The following GRM7 variants were observed in gnomAD, a reference collection of about 807,000 sequenced individuals.
GRM7 encodes glutamate metabotropic receptor 7.
A neutral mutation model predicts 84.5 loss-of-function variants in GRM7; 35 were observed. The ratio of observed to expected loss-of-function variants is 0.41; its 90% CI spans 0.32 to 0.55. The LOEUF is 0.55. Ranked by LOEUF, GRM7 falls within the 20% of genes least tolerant of loss-of-function variation. The pLI, the probability that GRM7 is intolerant of heterozygous loss-of-function variation, is 0.19. For missense variants in GRM7, 1,003 were observed against 1,194.6 expected (o/e 0.84, Z 2.36); for synonymous variants, 487 against 455.1 (o/e 1.07, Z -0.89).
At position 7,213,004 on chromosome 3, in the gene GRM7, C is replaced by T. The variant is rs189072151; in HGVS notation, c.736+66336C>T. ...TGTTTTGGTCTTGTAAAACTTGGTT[C>T]GAAATGCACAACTATTTGGAGGCCC... On this transcript the variant is annotated intron_variant, in intron 2 of 9. Transcript: ENST00000357716. 7.9e-5 allele frequency among the ~76,000 whole-genome samples: 12 copies of T among 152,204 alleles called. No homozygotes were observed. In the East Asian group the frequency reaches 1.9e-3, roughly 24 times the overall value.
At chr3:7,195,561 G>A (rs896013959) in intron 2 of GRM7, among the ~76,000 whole-genome samples, 2 of 152,140 alleles carry the variant, frequency 1.3e-5, no homozygotes, top group East Asian at 3.8e-4. Flanking sequence ...TATGCTGGGA[G>A]CCATGGAATT....
At chr3:6,968,610 T>C (rs1201159068) in intron 1 of GRM7, among the ~76,000 whole-genome samples, 2 of 152,196 alleles carry the variant, frequency 1.3e-5, no homozygotes, top group Non-Finnish European at 2.9e-5. Flanking sequence ...ATCAGGATCA[T>C]TATTTTAATA....
chr3:7,620,459 T>C (rs965291606), intron 8 of GRM7, among the ~76,000 whole-genome samples: 1 of 152,150 alleles, frequency 6.6e-6, no homozygotes, highest in Non-Finnish European at 1.5e-5. Flanking sequence ...TTATGACTTA[T>C]AGCCATAGCT....
intron 4 of GRM7, among the ~76,000 whole-genome samples, chr3:7,384,261 T>G (rs1365212904): frequency 6.6e-6 from 1 of 152,144 alleles, no homozygotes. Flanking sequence ...ACTCCTGACC[T>G]CTGGTGACCT....
intron 2 of GRM7, among the ~76,000 whole-genome samples, chr3:7,239,085 A>G (rs1367788993): frequency 1.4e-5 from 2 of 141,514 alleles, no homozygotes; most frequent in Admixed American, 7.4e-5. Flanking sequence ...TGCAGCCTTG[A>G]CCTCCCTGGG....
intron 4 of GRM7, among the ~76,000 whole-genome samples, chr3:7,397,089 AT>A (rs1695241755): frequency 6.6e-6 from 1 of 152,126 alleles, no homozygotes; most frequent in African/African-American, 2.4e-5. Context: ...TTTTACTATG[AT>A]TATAAAAAGT....
rs576393925 is a variant in GRM7 at position 7,633,217 on chromosome 3, A to G, written c.2452-46832A>G. Among the ~76,000 whole-genome samples the G allele has an allele frequency of 1.6e-4, 25 of 152,360 alleles. No homozygotes were observed. In the South Asian group the frequency reaches 4.6e-3, roughly 28 times the overall value. On this transcript the variant is annotated intron_variant, in intron 8 of 9. Coordinates refer to ENST00000357716, the MANE Select transcript of GRM7 (RefSeq NM_000844.4). ...CAAGCATTACTGAAGACATTTTGCT[A>G]ATAATGGTAGACACTCTTAAGGCAC...
chr3:7,595,881 G>A (rs1421891981), intron 8 of GRM7, among the ~76,000 whole-genome samples: 1 of 152,022 alleles, frequency 6.6e-6, no homozygotes. Flanking sequence ...AGGCCATGAG[G>A]GGAAATTTCA....
intron 4 of GRM7, among the ~76,000 whole-genome samples, chr3:7,400,405 G>T (rs1461311090): frequency 6.6e-6 from 1 of 152,112 alleles, no homozygotes; most frequent in Non-Finnish European, 1.5e-5. Flanking sequence ...ACTTCACAAT[G>T]CCTGTGAGAT....
At chr3:7,069,896 A>C (rs762020289) in intron 1 of GRM7, among the ~76,000 whole-genome samples, 3 of 152,082 alleles carry the variant, frequency 2.0e-5, no homozygotes, top group Admixed American at 6.6e-5. Flanking sequence ...AGTACTTTAC[A>C]CTCATCCCAG....
intron 3 of GRM7, among the ~76,000 whole-genome samples, chr3:7,306,126 C>A (rs905762562): frequency 3.9e-5 from 6 of 152,042 alleles, no homozygotes; most frequent in Admixed American, 2.6e-4. Context: ...TTTCTCCAGC[C>A]CCAAGCCAAA....
At chr3:7,186,164 T>G (rs1363926519) in intron 2 of GRM7, among the ~76,000 whole-genome samples, 1 of 152,244 alleles carries the variant, frequency 6.6e-6, no homozygotes, top group African/African-American at 2.4e-5. Flanking sequence ...TAGCACCTGC[T>G]TCTTATGTCC....
intron 7 of GRM7, among the ~76,000 whole-genome samples, chr3:7,522,367 A>G (rs542219835): frequency 9.2e-5 from 14 of 152,208 alleles, no homozygotes; most frequent in East Asian, 5.8e-4. Flanking sequence ...TTTCTGCTTC[A>G]ACAATTCTCC....
intron 8 of GRM7, among the ~76,000 whole-genome samples, chr3:7,670,240 A>G (rs532001548): frequency 5.3e-5 from 8 of 152,288 alleles, no homozygotes; most frequent in African/African-American, 1.7e-4. Flanking sequence ...TGCAAGGTGA[A>G]AAGAGGAAGC....
chr3:7,677,139 G>A (rs762756148), intron 8 of GRM7, among the ~76,000 whole-genome samples: 2 of 151,754 alleles, frequency 1.3e-5, no homozygotes, highest in Non-Finnish European at 2.9e-5. Flanking sequence ...GCACGTGCCT[G>A]TAGTCCCAGC....
chr3:7,215,433 G>A (rs1230705434), intron 2 of GRM7, among the ~76,000 whole-genome samples: 1 of 152,028 alleles, frequency 6.6e-6, no homozygotes, highest in Non-Finnish European at 1.5e-5. Context: ...TGGAGGCGGA[G>A]GAGGGTGCAT....
chr3:7,403,148 CT>C (rs1695523016), intron 4 of GRM7: 1 of 445,512 alleles, frequency 2.2e-6, no homozygotes, highest in African/African-American at 2.0e-5. Context: ...ACAAGTTTGT[CT>C]GGCTTTCTTT....
intron 4 of GRM7, among the ~76,000 whole-genome samples, chr3:7,307,583 G>A (rs1447115643): frequency 6.6e-6 from 1 of 152,154 alleles, no homozygotes; most frequent in Non-Finnish European, 1.5e-5. Flanking sequence ...ATCAGGTTGT[G>A]GTTCTGTCAC....
intron 1 of GRM7, among the ~76,000 whole-genome samples, chr3:7,085,647 C>CTGAAT (rs768969790): frequency 3.1e-4 from 47 of 152,084 alleles, no homozygotes; most frequent in Non-Finnish European, 2.9e-4. Context: ...TAACTTTTTA[C>CTGAAT]TCAAAAGTTA....
Sources: gnomAD v4.1 joint callset for allele counts (sites outside exome capture counted in the v4.1 genomes callset) on GRCh38, gnomAD v4.1.1 for gene constraint, MANE v1.5 for transcripts, NCBI Gene and HGNC (gene_info 2026-07-23, HGNC 2026-07-21) for gene names.